Variants in CAST observed in about 807,000 individuals in gnomAD.
CAST encodes MIR583 host.
Under a neutral mutation model 119.6 loss-of-function variants are expected in CAST, and 76 were observed. The ratio of observed to expected loss-of-function variants is 0.64; its 90% CI spans 0.53 to 0.77. The LOEUF is 0.77. CAST is among the 30% of genes least tolerant of loss of function. CAST has a pLI of 0.00. For synonymous variants in CAST, 319 were observed against 331.6 expected, an observed-to-expected ratio of 0.96 and a Z score of 0.41; for missense variants, 953 against 946.5, an observed-to-expected ratio of 1.01 and a Z score of -0.09.
intron 3 of CAST, among the ~76,000 whole-genome samples, chr5:96,697,907 T>C (rs1296669742): frequency 6.6e-6 from 1 of 152,266 alleles, no homozygotes; most frequent in African/African-American, 2.4e-5. Context: ...TGATTGATCA[T>C]GTTAATCTTC....
the CAST span, among the ~76,000 whole-genome samples, chr5:96,471,440 A>C: frequency 6.6e-6 from 1 of 152,052 alleles, no homozygotes; most frequent in Non-Finnish European, 1.5e-5. Context: ...TGATCAGAGG[A>C]GTTTGCATAA....
the CAST span, among the ~76,000 whole-genome samples, chr5:96,253,055 G>C: frequency 5.3e-3 from 800 of 152,226 alleles, 8 homozygotes; most frequent in African/African-American, 0.019. Flanking sequence ...GTGTTCTAAA[G>C]AGGCCAGATA....
the CAST span, among the ~76,000 whole-genome samples, chr5:96,386,667 T>G: frequency 2.6e-5 from 4 of 152,214 alleles, no homozygotes; most frequent in Non-Finnish European, 5.9e-5. Flanking sequence ...ATTTACTTTC[T>G]ACAGAAACCA....
chr5:96,452,976 A>AAAAAAAAAAAAAAAGAAG, the CAST span, among the ~76,000 whole-genome samples: 1 of 142,350 alleles, frequency 7.0e-6, no homozygotes, highest in African/African-American at 2.9e-5. Flanking sequence ...AAAAAAAAAA[A>AAAAAAAAAAAAAAAGAAG]CAGAAGAAAG....
intron 1 of CAST, chr5:96,585,181 C>T (rs943537501): frequency 1.3e-5 from 2 of 152,146 alleles, no homozygotes; most frequent in East Asian, 1.9e-4. Flanking sequence ...TATATCTAAT[C>T]GGACTTTACG....
the CAST span, among the ~76,000 whole-genome samples, chr5:96,486,711 G>GGC: frequency 6.6e-6 from 1 of 151,654 alleles, no homozygotes; most frequent in African/African-American, 2.4e-5. Context: ...GTGTTGGGGG[G>GGC]GCAGATTCTG....
chr5:95,986,398 GA>G, the CAST span: 3 of 152,136 alleles, frequency 2.0e-5, no homozygotes, highest in Non-Finnish European at 2.9e-5. Context: ...TATCATATAA[GA>G]GAAAGAAATA....
At chr5:96,142,542 A>G in the CAST span, among the ~76,000 whole-genome samples, 50,716 of 152,132 alleles carry the variant, frequency 0.33, 8,702 homozygotes, top group Middle Eastern at 0.39. Flanking sequence ...CAGAGTGTGG[A>G]AATTTGAAGC....
At chr5:96,116,341 C>T in the CAST span, among the ~76,000 whole-genome samples, 3 of 152,074 alleles carry the variant, frequency 2.0e-5, no homozygotes, top group African/African-American at 7.2e-5. Context: ...TTTGTTTACC[C>T]ACTCACCAGT....
chr5:96,574,761 A>G (rs1459841), intron 1 of CAST, among the ~76,000 whole-genome samples: 57,034 of 151,906 alleles, frequency 0.38, 11,918 homozygotes, highest in East Asian at 0.88. Context: ...TGGATGTCCA[A>G]TTGCTCCAGG....
At chr5:96,144,810 G>A in the CAST span, among the ~76,000 whole-genome samples, 1 of 151,956 alleles carries the variant, frequency 6.6e-6, no homozygotes, top group East Asian at 1.9e-4. Flanking sequence ...CTGAGTAGCT[G>A]GGACTACAGG....
the CAST span, among the ~76,000 whole-genome samples, chr5:96,070,024 AAGTCTGAAGAC>A: frequency 2.0e-5 from 3 of 152,104 alleles, no homozygotes; most frequent in Non-Finnish European, 4.4e-5. Context: ...GTTGAAGCTT[AAGTCTGAAGAC>A]AGTCTGGAGA....
the CAST span, among the ~76,000 whole-genome samples, chr5:96,253,528 A>T: frequency 5.9e-5 from 9 of 152,156 alleles, no homozygotes; most frequent in South Asian, 4.1e-4. Flanking sequence ...TTGCTTGTAC[A>T]AAGTTAATGG....
chr5:96,072,858 C>G, the CAST span, among the ~76,000 whole-genome samples: 1 of 152,156 alleles, frequency 6.6e-6, no homozygotes. Context: ...TCAAGAGGTT[C>G]AAAGACAAGC....
At chr5:96,205,677 A>G in the CAST span, among the ~76,000 whole-genome samples, 1,411 of 152,188 alleles carry the variant, frequency 9.3e-3, 14 homozygotes, top group African/African-American at 0.032. Flanking sequence ...GTAGTATTCT[A>G]TGGTATATAT....
chr5:96,266,634 A>G, the CAST span, among the ~76,000 whole-genome samples: 1 of 152,206 alleles, frequency 6.6e-6, no homozygotes, highest in East Asian at 1.9e-4. Flanking sequence ...GCAGAAACCT[A>G]AAGAAAAAAA....
the CAST span, chr5:96,425,824 T>A: frequency 6.4e-7 from 1 of 1,555,000 alleles, no homozygotes; most frequent in African/African-American, 1.4e-5. Flanking sequence ...ACTTACCAAG[T>A]ACCATTGCTG....
At chr5:96,728,462 C>G (rs1407513300) in intron 6 of CAST, 1 of 150,520 alleles carries the variant, frequency 6.6e-6, no homozygotes, top group African/African-American at 2.5e-5. Flanking sequence ...TCTGTAAATC[C>G]TATGAAAGGA....
the CAST span, among the ~76,000 whole-genome samples, chr5:95,975,992 T>G: frequency 6.6e-6 from 1 of 152,094 alleles, no homozygotes. Context: ...GCTTGTAATC[T>G]TCAAGGGCAC....
Sources: allele counts gnomAD v4.1 joint callset (sites outside exome capture counted in the v4.1 genomes callset), GRCh38; gene constraint gnomAD v4.1.1; transcripts MANE v1.5; gene names NCBI Gene and HGNC (gene_info 2026-07-23, HGNC 2026-07-21).